DGKB: variants seen among roughly 807,000 people sequenced by gnomAD.
DGKB encodes diacylglycerol kinase beta, also known as 90 kDa diacylglycerol kinase.
DGKB carries 67 observed loss-of-function variants against 114.3 expected under a neutral mutation model. The ratio of observed to expected loss-of-function variants is 0.59; its 90% CI spans 0.48 to 0.72. The LOEUF (loss-of-function observed/expected upper bound fraction) is 0.72. DGKB is among the 30% of genes least tolerant of loss of function. DGKB has a pLI of 0.00. For synonymous variants in DGKB, 398 were observed against 323.1 expected, an observed-to-expected ratio of 1.23 and a Z score of -2.49; for missense variants, 907 against 975.2, an observed-to-expected ratio of 0.93 and a Z score of 0.93.
chr7:14,413,660 T>C (rs1335355820), intron 21 of DGKB, among the ~76,000 whole-genome samples: 1 of 152,084 alleles, frequency 6.6e-6, no homozygotes, highest in Non-Finnish European at 1.5e-5. Flanking sequence ...GTTTCAGGTA[T>C]CTAACTGTAA....
In DGKB at chr7:14,523,047, A is replaced by G. The variant is rs551020893; in HGVS notation, c.1771-44822T>C. Among the ~76,000 whole-genome samples, 5 of 152,304 alleles carry G rather than the reference A, an allele frequency of 3.3e-5. No homozygotes were observed. In the East Asian group the frequency reaches 9.7e-4, roughly 29 times the overall value. Reference sequence around the variant, plus strand: ...TTCTGAGGCCAGAGGATTCAAAAGTATACTTCACAGTTCATAGCTGTTGGT... The same window carrying G: ...TTCTGAGGCCAGAGGATTCAAAAGTGTACTTCACAGTTCATAGCTGTTGGT... On this transcript the variant is annotated intron_variant, in intron 20 of 25. Transcript: ENST00000402815.
chr7:14,459,142 T>C (rs2128864181), intron 21 of DGKB, among the ~76,000 whole-genome samples: 2 of 152,304 alleles, frequency 1.3e-5, no homozygotes, highest in South Asian at 4.1e-4. Flanking sequence ...GTAGCCAGAC[T>C]GCCTCTCTCA....
At chr7:14,920,497 G>T (rs1173043317) in intron 1 of DGKB, among the ~76,000 whole-genome samples, 1 of 152,076 alleles carries the variant, frequency 6.6e-6, no homozygotes, top group East Asian at 1.9e-4. Context: ...TCTCCAATAC[G>T]CAATGCTGGT....
intron 23 of DGKB, among the ~76,000 whole-genome samples, chr7:14,332,318 C>T (rs968058622): frequency 6.6e-6 from 1 of 152,168 alleles, no homozygotes. Flanking sequence ...TCCAGATAAG[C>T]AGCAGAGTTG....
chr7:14,898,894 A>G (rs1324104782), intron 1 of DGKB, among the ~76,000 whole-genome samples: 5 of 152,144 alleles, frequency 3.3e-5, no homozygotes, highest in Non-Finnish European at 5.9e-5. Flanking sequence ...TGAGTTGGGG[A>G]CATTGTGTTT....
chr7:14,259,160 A>T (rs1796363109), intron 23 of DGKB, among the ~76,000 whole-genome samples: 1 of 152,186 alleles, frequency 6.6e-6, no homozygotes. Context: ...TGTCCTACTT[A>T]ATGAGTTTCT....
At chr7:14,610,666 G>T (rs1455390027) in intron 16 of DGKB, among the ~76,000 whole-genome samples, 1 of 151,858 alleles carries the variant, frequency 6.6e-6, no homozygotes, top group East Asian at 1.9e-4. Context: ...ACCTAGAGTT[G>T]TTCTCAATAC....
At chr7:14,849,585 C>G (rs1305733619) in intron 1 of DGKB, among the ~76,000 whole-genome samples, 2 of 152,068 alleles carry the variant, frequency 1.3e-5, no homozygotes, top group East Asian at 3.9e-4. Flanking sequence ...TATAAATTAC[C>G]CAGTATCAGT....
At chr7:14,886,633 C>T (rs897828350) in intron 1 of DGKB, among the ~76,000 whole-genome samples, 1 of 151,874 alleles carries the variant, frequency 6.6e-6, no homozygotes, top group Non-Finnish European at 1.5e-5. Flanking sequence ...ATTTCTCTTT[C>T]TCACCGTTGA....
At chr7:14,444,939 A>G (rs1328435597) in intron 21 of DGKB, among the ~76,000 whole-genome samples, 1 of 151,898 alleles carries the variant, frequency 6.6e-6, no homozygotes, top group Non-Finnish European at 1.5e-5. Flanking sequence ...AATTCCTTGC[A>G]GTAAGTATAT....
At chr7:14,733,750 GAAGAAAGAAAGA>G (rs112075915) in intron 5 of DGKB, among the ~76,000 whole-genome samples, 1 of 6,584 alleles carries the variant, frequency 1.5e-4, no homozygotes, top group East Asian at 3.1e-3. Context: ...AAGAAATAAA[GAAGAAAGAAAGA>G]AAGAAAGAAA....
intron 23 of DGKB, among the ~76,000 whole-genome samples, chr7:14,285,273 A>AACTT (rs1473924873): frequency 6.6e-6 from 1 of 152,172 alleles, no homozygotes; most frequent in Non-Finnish European, 1.5e-5. Flanking sequence ...AAAGACGTGC[A>AACTT]ACTTACTAGC....
chr7:14,911,723 G>C (rs1271107702), intron 1 of DGKB, among the ~76,000 whole-genome samples: 6 of 152,178 alleles, frequency 3.9e-5, no homozygotes, highest in Non-Finnish European at 8.8e-5. Flanking sequence ...TATAGGAAAA[G>C]CATCTGGGTA....
chr7:14,893,533 T>C (rs1781631834), intron 1 of DGKB, among the ~76,000 whole-genome samples: 2 of 151,340 alleles, frequency 1.3e-5, no homozygotes, highest in Admixed American at 1.3e-4. Context: ...CAGGGATTTG[T>C]AGCGATGCCA....
intron 2 of DGKB, among the ~76,000 whole-genome samples, chr7:14,831,378 T>C: frequency 6.6e-6 from 1 of 152,060 alleles, no homozygotes; most frequent in East Asian, 1.9e-4. Context: ...CAGAAGCATC[T>C]ACAGCCTATG....
intron 20 of DGKB, among the ~76,000 whole-genome samples, chr7:14,483,048 A>G (rs1384971173): frequency 3.3e-5 from 5 of 151,594 alleles, no homozygotes; most frequent in Non-Finnish European, 4.4e-5. Context: ...GGTTTTCTTA[A>G]TTTCTCTGCT....
chr7:14,239,926 C>T (rs551139375), intron 23 of DGKB, among the ~76,000 whole-genome samples: 10 of 152,058 alleles, frequency 6.6e-5, no homozygotes, highest in African/African-American at 1.7e-4. Context: ...ACCATATTAC[C>T]TTTATAAATC....
intron 10 of DGKB, among the ~76,000 whole-genome samples, chr7:14,683,483 T>G (rs1364117111): frequency 6.6e-6 from 1 of 152,098 alleles, no homozygotes; most frequent in Non-Finnish European, 1.5e-5. Context: ...CATAAGCAAA[T>G]ATATGTATCT....
intron 1 of DGKB, among the ~76,000 whole-genome samples, chr7:14,939,621 CTTTTTTT>C (rs60427374): frequency 1.2e-4 from 10 of 84,146 alleles, no homozygotes; most frequent in East Asian, 8.7e-4. Context: ...AAATATAATA[CTTTTTTT>C]TTTTTTTTTT....
Sources: allele counts gnomAD v4.1 joint callset (sites outside exome capture counted in the v4.1 genomes callset), GRCh38; gene constraint gnomAD v4.1.1; transcripts MANE v1.5; gene names NCBI Gene and HGNC (gene_info 2026-07-23, HGNC 2026-07-21).